PAK5: variants seen among roughly 807,000 people sequenced by gnomAD.
The protein encoded by PAK5 is serine/threonine-protein kinase PAK 5.
PAK5 carries 16 observed loss-of-function variants against 65.9 expected under a neutral mutation model. The ratio of observed to expected loss-of-function variants is 0.24; its 90% CI spans 0.16 to 0.37. The LOEUF (loss-of-function observed/expected upper bound fraction) is 0.37, where lower values mean the gene tolerates loss of function less well. Among genes scored for constraint, PAK5 ranks in the 10% least tolerant of loss-of-function variants. PAK5 has a pLI of 1.00. For synonymous variants in PAK5, 371 were observed against 354.9 expected (o/e 1.05, Z -0.51); for missense variants, 785 against 903.9 (o/e 0.87, Z 1.69).
chr20:9,646,716 T>C (rs1319315968), intron 2 of PAK5, among the ~76,000 whole-genome samples: 1 of 152,214 alleles, frequency 6.6e-6, no homozygotes, highest in Admixed American at 6.5e-5. Context: ...AGAGAAAATA[T>C]GACACCAATA....
intron 1 of PAK5, among the ~76,000 whole-genome samples, chr20:9,723,270 T>TGAG (rs1169502849): frequency 6.6e-6 from 1 of 152,116 alleles, no homozygotes; most frequent in African/African-American, 2.4e-5. Flanking sequence ...GTGGGAACAG[T>TGAG]GAGACGTGGT....
At chr20:9,802,084 G>T (rs2049175741) in intron 1 of PAK5, among the ~76,000 whole-genome samples, 1 of 152,176 alleles carries the variant, frequency 6.6e-6, no homozygotes, top group Admixed American at 6.6e-5. Context: ...AAAAGAGCAA[G>T]AATTTTTTTA....
rs149389445 is a variant in PAK5 at position 9,824,178 on chromosome 20, C to G, written c.-162+14584G>C. The stretch of plus-strand genomic sequence containing the variant: ...ACCTAGTATGTGCCATAATTCCATA[C>G]TTTTTAAATATTAGACAGTTTCAAA... On this transcript the variant is annotated intron_variant, in intron 1 of 9. Transcript: ENST00000353224. Among the ~76,000 whole-genome samples, 253 of 152,304 alleles carry G rather than the reference C, an allele frequency of 1.7e-3. 1 individual carries two copies. The highest frequency in any genetic ancestry group is 5.3e-3 in the African/African-American group (222 of 41,564).
chr20:9,566,990 G>A (rs990603112), intron 4 of PAK5, among the ~76,000 whole-genome samples: 20 of 152,174 alleles, frequency 1.3e-4, no homozygotes, highest in African/African-American at 4.8e-4. Context: ...ACTTGGAAGA[G>A]TGGGATGAGG....
At chr20:9,610,653 C>A (rs563034010) in intron 3 of PAK5, among the ~76,000 whole-genome samples, 3 of 152,326 alleles carry the variant, frequency 2.0e-5, no homozygotes, top group African/African-American at 7.2e-5. Context: ...TGTTGACAGG[C>A]TACATAGATG....
intron 3 of PAK5, among the ~76,000 whole-genome samples, chr20:9,593,871 A>G (rs1214629276): frequency 6.6e-6 from 1 of 151,306 alleles, no homozygotes; most frequent in Non-Finnish European, 1.5e-5. Flanking sequence ...GGGGTAAGAG[A>G]TGTGTTCACA....
intron 1 of PAK5, chr20:9,818,909 T>C (rs1342248123): frequency 2.0e-5 from 3 of 152,164 alleles, no homozygotes; most frequent in African/African-American, 7.2e-5. Flanking sequence ...ATCAGCCAAA[T>C]AACATATAGT....
At chr20:9,742,738 C>T (rs2048463752) in intron 1 of PAK5, among the ~76,000 whole-genome samples, 1 of 152,162 alleles carries the variant, frequency 6.6e-6, no homozygotes, top group African/African-American at 2.4e-5. Context: ...CTCAAAAGTT[C>T]CACCAATATC....
chr20:9,706,038 G>A (rs1282831047), intron 2 of PAK5, among the ~76,000 whole-genome samples: 1 of 152,098 alleles, frequency 6.6e-6, no homozygotes, highest in Non-Finnish European at 1.5e-5. Flanking sequence ...CTATTCAATT[G>A]ACACAACTCA....
At chr20:9,802,910 G>GTGTGTGTATATATATATATATATA (rs142279832) in intron 1 of PAK5, among the ~76,000 whole-genome samples, 106 of 46,352 alleles carry the variant, frequency 2.3e-3, no homozygotes, top group African/African-American at 4.9e-3. Flanking sequence ...ATATGTATGT[G>GTGTGTGTATATATATATATATATA]TATATATATA....
In PAK5 at chr20:9,700,374, G is replaced by C. The variant is rs535151068; in HGVS notation, c.-12+10912C>G. Among the ~76,000 whole-genome samples, 15 of 152,302 alleles carry C rather than the reference G, an allele frequency of 9.8e-5. 1 individual carries two copies. The highest frequency in any genetic ancestry group is 3.4e-4 in the African/African-American group (14 of 41,566). On this transcript the variant is annotated intron_variant, in intron 2 of 9. Transcript: ENST00000353224. Reference sequence around the variant, plus strand: ...TGCAGTGAGCTGTGACTGTGCCACTGCACTCCAGCCTGGGTGACAGAGTGA... The same window carrying C: ...TGCAGTGAGCTGTGACTGTGCCACTCCACTCCAGCCTGGGTGACAGAGTGA...
intron 1 of PAK5, among the ~76,000 whole-genome samples, chr20:9,715,319 A>C (rs1252507686): frequency 3.3e-5 from 5 of 152,134 alleles, no homozygotes; most frequent in Non-Finnish European, 2.9e-5. Flanking sequence ...TGGCCATCAG[A>C]GAAATGCAAA....
intron 2 of PAK5, 34 bp from the exon 3 acceptor site, chr20:9,644,373 T>C: frequency 7.0e-7 from 1 of 1,421,784 alleles, no homozygotes; most frequent in Non-Finnish European, 9.9e-7. Context: ...GGCAGCCATT[T>C]ATATCTTGCC....
intron 1 of PAK5, among the ~76,000 whole-genome samples, chr20:9,805,397 C>G (rs1293984958): frequency 6.6e-6 from 1 of 152,094 alleles, no homozygotes; most frequent in African/African-American, 2.4e-5. Flanking sequence ...TGAAAACTTA[C>G]GTTCACACAA....
At chr20:9,617,655 G>A (rs2046684630) in intron 3 of PAK5, among the ~76,000 whole-genome samples, 1 of 146,138 alleles carries the variant, frequency 6.8e-6, no homozygotes, top group African/African-American at 2.5e-5. Context: ...TCTTAGGTTC[G>A]CGCCATTCTT....
intron 3 of PAK5, among the ~76,000 whole-genome samples, chr20:9,615,612 T>C (rs562384853): frequency 6.6e-6 from 1 of 152,344 alleles, no homozygotes; most frequent in East Asian, 1.9e-4. Context: ...GTAAAAACTA[T>C]AACAAAAACC....
At chr20:9,706,768 A>ATC (rs2048013394) in intron 2 of PAK5, among the ~76,000 whole-genome samples, 1 of 151,902 alleles carries the variant, frequency 6.6e-6, no homozygotes, top group Non-Finnish European at 1.5e-5. Flanking sequence ...TCAGCCTCCT[A>ATC]AAGTGCTGGG....
intron 1 of PAK5, among the ~76,000 whole-genome samples, chr20:9,745,268 CT>C (rs1234836777): frequency 2.6e-5 from 4 of 151,782 alleles, no homozygotes; most frequent in East Asian, 1.9e-4. Flanking sequence ...GTGCATTTAT[CT>C]TTTTTTAATG....
chr20:9,562,935 C>G lies in PAK5; in HGVS notation c.1572G>C (p.Glu524Asp). Reference protein sequence around the residue: ...LVGDELWVVMEFLEGGALTDI... With the variant: ...LVGDELWVVMDFLEGGALTDI... ...CTGTCAAGGCACCACCTTCTAGAAA[C>G]TCCATGACCACCCAGAGCTCATCGC... Residue 524 changes from glutamate (E) to aspartate (D), a missense_variant, in exon 6 of 10, where the codon GAG (glutamate) becomes GAC (aspartate). By Grantham distance (45) the Glu-to-Asp change is conservative (BLOSUM62 2). Around this residue, in one of 4 missense-constraint regions of PAK5, gnomAD observed 182 missense variants for 273.0 expected, o/e 0.67. Coordinates refer to ENST00000353224, the MANE Select transcript of PAK5 (RefSeq NM_177990.4). 1 of 1,613,842 alleles carries G rather than the reference C, an allele frequency of 6.2e-7. No homozygotes were observed.
Sources: gnomAD v4.1 joint callset for allele counts (sites outside exome capture counted in the v4.1 genomes callset) on GRCh38, gnomAD v4.1.1 for gene constraint, gnomAD v4.1.1 regional missense constraint, MANE v1.5 for transcripts, NCBI Gene and HGNC (gene_info 2026-07-23, HGNC 2026-07-21) for gene names.